The following SDK1 variants were observed in gnomAD, a reference collection of about 807,000 sequenced individuals.
The protein encoded by SDK1 is sidekick cell adhesion molecule 1, also known as protein sidekick-1.
A neutral mutation model predicts 245.5 loss-of-function variants in SDK1; 157 were observed. The ratio of observed to expected loss-of-function variants is 0.64; its 90% CI spans 0.56 to 0.73. SDK1 has a LOEUF of 0.73. Among genes scored for constraint, SDK1 ranks in the 30% least tolerant of loss-of-function variants. The probability of loss-of-function intolerance (pLI) is 0.00; values close to 1 mark genes in which losing one functional copy is unlikely to be tolerated. For synonymous variants in SDK1, 1,647 were observed against 1,278.5 expected (o/e 1.29, Z -6.15); for missense variants, 3,583 against 3,002.3 (o/e 1.19, Z -4.52).
rs184199294 is a variant in SDK1 at position 3,706,739 on chromosome 7, C to G, written c.713+64634C>G. 9.8e-4 allele frequency among the ~76,000 whole-genome samples: 149 copies of G among 152,228 alleles called. 1 individual carries two copies. The highest frequency in any genetic ancestry group is 3.4e-3 in the Middle Eastern group (1 of 292). ...TTAAATTACTCATTCAGTCTCACTG[C>G]TTGTTACTGGTCTGTTTAGAGTTTC... On this transcript the variant is annotated intron_variant, in intron 4 of 44. Coordinates refer to ENST00000404826, the MANE Select transcript of SDK1 (RefSeq NM_152744.4).
chr7:3,785,202 G>C lies in SDK1; in HGVS notation c.714-36248G>C, dbSNP rs80355050. 4.1e-3 allele frequency among the ~76,000 whole-genome samples: 627 copies of C among 152,202 alleles called. 4 individuals carry two copies. The highest frequency in any genetic ancestry group is 0.015 in the African/African-American group (613 of 41,528). On this transcript the variant is annotated intron_variant, in intron 4 of 44. Coordinates refer to ENST00000404826, the MANE Select transcript of SDK1 (RefSeq NM_152744.4). ...TAATGGTTATCGAGGCTGGAGGGTG[G>C]GGGGAATAGGGAGGTGATGGTCCAA... is the stretch of plus-strand genomic sequence containing the variant.
chr7:3,561,511 G>T (rs554202998), intron 1 of SDK1, among the ~76,000 whole-genome samples: 1 of 152,296 alleles, frequency 6.6e-6, no homozygotes, highest in African/African-American at 2.4e-5. Flanking sequence ...TGTTTTCCCT[G>T]TGGGTAGGCC....
chr7:4,130,305 G>A, intron 27 of SDK1: 1 of 599,402 alleles, frequency 1.7e-6, no homozygotes, highest in Non-Finnish European at 2.9e-6. Context: ...GCCTAATTAT[G>A]AACCTGTACT....
At chr7:3,827,017 C>T (rs1168842386) in intron 5 of SDK1, among the ~76,000 whole-genome samples, 1 of 152,158 alleles carries the variant, frequency 6.6e-6, no homozygotes, top group Non-Finnish European at 1.5e-5. Context: ...GCCTCCTTCA[C>T]CATATCCCCA....
chr7:3,528,221 T>G (rs992162802), intron 1 of SDK1, among the ~76,000 whole-genome samples: 84 of 28,220 alleles, frequency 3.0e-3, no homozygotes, highest in South Asian at 3.4e-3. Context: ...AGGGGGTGGG[T>G]GGTGGGAGGT....
At position 3,343,166 on chromosome 7, in the gene SDK1, G is replaced by T. The variant is rs562582362; in HGVS notation, c.298+41282G>T. Among the ~76,000 whole-genome samples, 12 of 152,248 alleles carry T rather than the reference G, an allele frequency of 7.9e-5. No homozygotes were observed. In the South Asian group the frequency reaches 1.0e-3, roughly 13 times the overall value. On this transcript the variant is annotated intron_variant, in intron 1 of 44. Transcript: ENST00000404826. ...ATACAACTTGGCAAGTGTACTCTTG[G>T]ATAGTTATCTCAGAGAAATGAACAC...
intron 1 of SDK1, among the ~76,000 whole-genome samples, chr7:3,508,612 GC>G (rs1304039936): frequency 1.3e-5 from 2 of 152,120 alleles, no homozygotes; most frequent in African/African-American, 4.8e-5. Context: ...ACAGGTGTGA[GC>G]CACCCCGCCC....
chr7:3,568,839 G>A (rs1311517148), intron 1 of SDK1, among the ~76,000 whole-genome samples: 1 of 152,120 alleles, frequency 6.6e-6, no homozygotes, highest in Non-Finnish European at 1.5e-5. Flanking sequence ...AGCAAGTTTT[G>A]CCCCTAGCTA....
intron 35 of SDK1, among the ~76,000 whole-genome samples, chr7:4,185,075 A>G (rs888078415): frequency 1.3e-5 from 2 of 152,116 alleles, no homozygotes; most frequent in African/African-American, 2.4e-5. Flanking sequence ...AGCCAGGGAG[A>G]TGTCATCTCT....
At chr7:4,200,915 A>T (rs1783846136) in intron 35 of SDK1, among the ~76,000 whole-genome samples, 1 of 152,234 alleles carries the variant, frequency 6.6e-6, no homozygotes, top group Non-Finnish European at 1.5e-5. Flanking sequence ...ATGCCCATGC[A>T]TTACAGATTG....
In SDK1 at chr7:4,265,675, C is replaced by A; in HGVS notation, c.*291C>A. 1 of 1,191,094 alleles carries A rather than the reference C, an allele frequency of 8.4e-7. No individual in the cohort carries two copies. The highest frequency in any genetic ancestry group is 1.0e-6 in the Non-Finnish European group (1 of 964,984). The allele number at this position is 1,191,094 out of a possible 1,614,324, so 73.8% of individuals were successfully genotyped here. Reference sequence around the variant, plus strand: ...TTGGCACCTCCGGGGCCTGGGAGGACCTCAGACCTCCCCAGCCCTGGGTTT... The same window carrying A: ...TTGGCACCTCCGGGGCCTGGGAGGAACTCAGACCTCCCCAGCCCTGGGTTT... On this transcript the variant is annotated 3_prime_UTR_variant, in exon 45 of 45. Transcript: ENST00000404826.
At chr7:3,919,852 C>T (rs1779525897) in intron 5 of SDK1, among the ~76,000 whole-genome samples, 2 of 152,268 alleles carry the variant, frequency 1.3e-5, no homozygotes, top group South Asian at 4.1e-4. Flanking sequence ...CAGACTTGGA[C>T]CTCAGGGAGG....
intron 5 of SDK1, among the ~76,000 whole-genome samples, chr7:3,906,353 C>G (rs1398483057): frequency 6.6e-6 from 1 of 151,944 alleles, no homozygotes; most frequent in Non-Finnish European, 1.5e-5. Context: ...TCAGAACATA[C>G]TAATCTTTAC....
Position 4,205,743 on chromosome 7 carries a change from G to A in SDK1, c.5099-136G>A, listed in dbSNP as rs112666644. 39 of 718,342 alleles carry A rather than the reference G, an allele frequency of 5.4e-5. 1 individual carries two copies. Among genetic ancestry groups the A allele is most frequent in the African/African-American group, 2.3e-4 (13 of 56,732 alleles). 44.5% of individuals were successfully genotyped at this position (718,342 alleles called of 1,614,324 possible). A position where few individuals can be genotyped will look rare whatever the true frequency, so the allele number is the denominator to read the frequency against. Reference sequence around the variant, plus strand: ...TGTCTAAGGCCTCCTAAGCCAGGGCGACGGCCCAGGGAAGAATCTCTCACA... The same window carrying A: ...TGTCTAAGGCCTCCTAAGCCAGGGCAACGGCCCAGGGAAGAATCTCTCACA... On this transcript the variant is annotated intron_variant, in intron 35 of 44. Transcript: ENST00000404826.
intron 5 of SDK1, among the ~76,000 whole-genome samples, chr7:3,852,979 G>A (rs1014522544): frequency 6.6e-6 from 1 of 151,890 alleles, no homozygotes; most frequent in East Asian, 1.9e-4. Context: ...CTACCTGACC[G>A]TGTGGATAAG....
intron 5 of SDK1, among the ~76,000 whole-genome samples, chr7:3,824,024 A>C (rs959559584): frequency 2.0e-5 from 3 of 150,244 alleles, no homozygotes; most frequent in African/African-American, 7.3e-5. Flanking sequence ...AGTCTTGATT[A>C]ATCTGCAGAA....
intron 4 of SDK1, among the ~76,000 whole-genome samples, chr7:3,686,635 GTT>G (rs1477098596): frequency 9.9e-4 from 5 of 5,036 alleles, no homozygotes. Context: ...TGAAAGATTG[GTT>G]GGGTGACAGG....
At chr7:4,138,083 T>C (rs1779215755) in intron 28 of SDK1, among the ~76,000 whole-genome samples, 1 of 152,156 alleles carries the variant, frequency 6.6e-6, no homozygotes, top group South Asian at 2.1e-4. Context: ...AAGGTACAAA[T>C]AGAACACACA....
In SDK1 at chr7:4,171,800, G is replaced by T. The variant is rs371753619; in HGVS notation, c.4801-2422G>T. On this transcript the variant is annotated intron_variant, in intron 32 of 44. Coordinates refer to ENST00000404826, the MANE Select transcript of SDK1 (RefSeq NM_152744.4). ...TTTCCCCATCTCTGGTCTGTGGTGG[G>T]CAGCGGGAGTCCTCGGACCTGGGGC... Among the ~76,000 whole-genome samples the T allele has an allele frequency of 2.5e-3, 380 of 152,360 alleles. 2 individuals carry two copies. The highest frequency in any genetic ancestry group is 8.7e-3 in the African/African-American group (364 of 41,602).
Sources: allele counts gnomAD v4.1 joint callset (sites outside exome capture counted in the v4.1 genomes callset), GRCh38; gene constraint gnomAD v4.1.1; transcripts MANE v1.5; gene names NCBI Gene and HGNC (gene_info 2026-07-23, HGNC 2026-07-21).